Variants in ESF1 observed in about 807,000 individuals in gnomAD.
ESF1 encodes ESF1 nucleolar pre-rRNA processing protein.
Under a neutral mutation model 92.0 loss-of-function variants are expected in ESF1, and 58 were observed. That is an observed-to-expected ratio of 0.63 (90% CI 0.51 to 0.78). The LOEUF (loss-of-function observed/expected upper bound fraction) is 0.78. ESF1 is among the 30% of genes least tolerant of loss of function. The pLI, the probability that ESF1 is intolerant of heterozygous loss-of-function variation, is 0.00. For missense variants in ESF1, 922 were observed against 989.1 expected (o/e 0.93, Z 0.91); for synonymous variants, 321 against 313.7 (o/e 1.02, Z -0.24).
At chr20:13,751,059 T>C (rs976876019) in intron 9 of ESF1, among the ~76,000 whole-genome samples, 2 of 152,186 alleles carry the variant, frequency 1.3e-5, no homozygotes, top group Non-Finnish European at 2.9e-5. Context: ...AATAAAAGGT[T>C]ATTATGTTAT....
At position 13,782,968 on chromosome 20, in the gene ESF1, C is replaced by T. The variant is rs751200578; in HGVS notation, c.173G>A (p.Arg58His). 13 of 1,614,072 alleles carry T rather than the reference C, an allele frequency of 8.1e-6. No homozygotes were observed. The highest frequency in any genetic ancestry group is 1.1e-5 in the Non-Finnish European group (13 of 1,180,020). The change falls in exon 2 of 14, where the codon CGC becomes CAC. Residue 58 changes from arginine to histidine, a missense_variant. Coordinates refer to ENST00000617257, the MANE Select transcript of ESF1 (RefSeq NM_001276380.2). ...KLNYAVDKRG[R>H]PISHSTTEDL... ...CTCTGTAGTGCTATGGCTAATGGGGCGCCCTCTTTTATCCACGGCATAGTT... is the reference window on the plus strand; with the variant it reads ...CTCTGTAGTGCTATGGCTAATGGGGTGCCCTCTTTTATCCACGGCATAGTT...
intron 2 of ESF1, 104 bp from the exon 3 acceptor site, chr20:13,776,374 G>T (rs1005100014): frequency 9.0e-7 from 1 of 1,115,892 alleles, no homozygotes; most frequent in Non-Finnish European, 1.3e-6. Context: ...TAATTTCTAT[G>T]AAACACAGTA....
chr20:13,714,710 C>A lies in ESF1; in HGVS notation c.*164G>T. ...ATACAATAAAAATTTGTCAGTCATC[C>A]ACAATTAAGTACAATTATTTATGGA... On this transcript the variant is annotated 3_prime_UTR_variant, in exon 14 of 14. Transcript: ENST00000617257. The A allele has an allele frequency of 1.6e-6, 1 of 619,934 alleles. No individual in the cohort carries two copies. Among genetic ancestry groups the A allele is most frequent in the South Asian group, 2.7e-5 (1 of 36,848 alleles). The allele number at this position is 619,934 out of a possible 1,614,324, so 38.4% of individuals were successfully genotyped here.
At chr20:13,751,466 C>T (rs1248032512) in intron 9 of ESF1, among the ~76,000 whole-genome samples, 1 of 152,148 alleles carries the variant, frequency 6.6e-6, no homozygotes, top group Non-Finnish European at 1.5e-5. Flanking sequence ...ACGGTGGCTA[C>T]ACATGCAAAC....
chr20:13,731,950 C>G (rs2049946335), intron 10 of ESF1, among the ~76,000 whole-genome samples: 1 of 152,228 alleles, frequency 6.6e-6, no homozygotes, highest in Non-Finnish European at 1.5e-5. Context: ...ACAGCCCTTC[C>G]CCCATACCTT....
At chr20:13,716,804 A>AT (rs71188180) in intron 13 of ESF1, among the ~76,000 whole-genome samples, 618 of 45,900 alleles carry the variant, frequency 0.013, 36 homozygotes, top group Non-Finnish European at 0.019. Flanking sequence ...CTATACCTGG[A>AT]TTTTTTTTTT....
At chr20:13,743,032 C>T (rs936473553) in intron 9 of ESF1, among the ~76,000 whole-genome samples, 12 of 152,144 alleles carry the variant, frequency 7.9e-5, no homozygotes, top group African/African-American at 2.9e-4. Flanking sequence ...TAGCATGTAT[C>T]AGCACTTCAT....
At chr20:13,759,126 C>T (rs957546580) in intron 9 of ESF1, among the ~76,000 whole-genome samples, 1 of 152,058 alleles carries the variant, frequency 6.6e-6, no homozygotes, top group African/African-American at 2.4e-5. Context: ...AAAGTGAAAC[C>T]ATGAAAAAGG....
chr20:13,771,564 A>C (rs1050934401), intron 5 of ESF1, 81 bp from the exon 6 acceptor site: 1 of 1,180,640 alleles, frequency 8.5e-7, no homozygotes. Flanking sequence ...AATTCTTTCA[A>C]GAAAAACATA....
rs1978793579 is a variant in ESF1, at chr20:13,754,541, T to C, written c.1828+5151A>G. ...CCAACTGATTCCTTGGCATGTCTAT[T>C]TAGGTATCAATGGGCATCTTGAACT... On this transcript the variant is annotated intron_variant, in intron 9 of 13. Coordinates refer to ENST00000617257, the MANE Select transcript of ESF1 (RefSeq NM_001276380.2). 2.0e-5 allele frequency among the ~76,000 whole-genome samples: 3 copies of C among 152,168 alleles called. No individual in the cohort carries two copies. The South Asian group carries it at 6.2e-4, about 32-fold the overall frequency.
chr20:13,776,033 T>A lies in ESF1; in HGVS notation c.875A>T (p.Asp292Val), dbSNP rs113298930. 6 of 1,613,980 alleles carry A rather than the reference T, an allele frequency of 3.7e-6. No individual in the cohort carries two copies. Among genetic ancestry groups the A allele is most frequent in the Non-Finnish European group, 4.2e-6 (5 of 1,179,920 alleles). The stretch of plus-strand genomic sequence containing the variant: ...AGGGCCACTGTCACTTTTATCATCA[T>A]CCTCACTATCCTCATCTTCATCCTC... ...EEEDEDEDSE[D>V]DDKSDSGPDL... The change falls in exon 3 of 14, where the codon GAT (aspartate) becomes GTT (valine). Residue 292 changes from aspartate to valine, a missense_variant. Physicochemically the swap from Asp to Val is radical, Grantham distance 152. Coordinates refer to ENST00000617257, the MANE Select transcript of ESF1 (RefSeq NM_001276380.2).
At chr20:13,747,388 G>A (rs202229814) in intron 9 of ESF1, among the ~76,000 whole-genome samples, 43 of 151,806 alleles carry the variant, frequency 2.8e-4, no homozygotes, top group African/African-American at 8.7e-4. Context: ...GTGAAACCCC[G>A]TCTCTACTAA....
chr20:13,715,250 C>T (rs909729270), intron 13 of ESF1, 83 bp from the exon 14 acceptor site: 20 of 1,305,994 alleles, frequency 1.5e-5, no homozygotes, highest in South Asian at 9.6e-5. Flanking sequence ...GGCCAAATTT[C>T]GAAAGTTGGT....
chr20:13,781,692 C>A (rs1265784363), intron 2 of ESF1, among the ~76,000 whole-genome samples: 2 of 152,190 alleles, frequency 1.3e-5, no homozygotes, highest in African/African-American at 2.4e-5. Flanking sequence ...AGAGAGCATG[C>A]CTTTTTCTAA....
intron 8 of ESF1, among the ~76,000 whole-genome samples, chr20:13,763,918 C>T (rs1979315914): frequency 6.6e-6 from 1 of 152,132 alleles, no homozygotes; most frequent in African/African-American, 2.4e-5. Context: ...ATTTTCCATA[C>T]TGTTAAGGAG....
chr20:13,783,198 A>G lies in ESF1; in HGVS notation c.-43-15T>C. 5.3e-6 allele frequency: 8 copies of G among 1,507,128 alleles called. No individual in the cohort carries two copies. The highest frequency in any genetic ancestry group is 7.1e-6 in the Non-Finnish European group (8 of 1,119,554). The allele number at this position is 1,507,128 out of a possible 1,614,324, so 93.4% of individuals were successfully genotyped here. On this transcript the variant is annotated splice_polypyrimidine_tract_variant and intron_variant, in intron 1 of 13. Transcript: ENST00000617257. ...GAAAACAAATACTGAAAAATAAAAC[A>G]AATGTTTTAATGGTAATAATGGTTA...
chr20:13,782,576 C>A lies in ESF1; in HGVS notation c.565G>T (p.Asp189Tyr). ...SSLEEKQRTL[D>Y]SGTSEIVKSP... ...TTCACAATTTCAGAGGTGCCTGAGT[C>A]TAATGTCCTTTGTTTTTCTTCGAGA... Residue 189 changes from aspartate (D) to tyrosine (Y), a missense_variant, in exon 2 of 14, where the codon GAC becomes TAC. By Grantham distance (160) the Asp-to-Tyr change is radical. Transcript: ENST00000617257. 6.3e-7 allele frequency: 1 copy of A among 1,590,364 alleles called. No individual in the cohort carries two copies. Among genetic ancestry groups the A allele is most frequent in the Non-Finnish European group, 8.5e-7 (1 of 1,174,200 alleles).
intron 9 of ESF1, among the ~76,000 whole-genome samples, chr20:13,735,960 A>G (rs1364418751): frequency 6.6e-6 from 1 of 152,078 alleles, no homozygotes; most frequent in Non-Finnish European, 1.5e-5. Context: ...GTACTGGAAA[A>G]ACTTGCATCC....
intron 11 of ESF1, among the ~76,000 whole-genome samples, chr20:13,727,035 ATGTGT>A (rs1463962284): frequency 1.3e-5 from 2 of 152,202 alleles, no homozygotes; most frequent in Non-Finnish European, 2.9e-5. Flanking sequence ...CTCAATTTAA[ATGTGT>A]TGATTCCAAA....
Sources: gnomAD v4.1 joint callset for allele counts (sites outside exome capture counted in the v4.1 genomes callset) on GRCh38, gnomAD v4.1.1 for gene constraint, MANE v1.5 for transcripts, NCBI Gene and HGNC (gene_info 2026-07-23, HGNC 2026-07-21) for gene names.